MALRD1: variants seen among roughly 807,000 people sequenced by gnomAD.
The protein encoded by MALRD1 is MAM and LDL receptor class A domain containing 1.
MALRD1 carries 247 observed loss-of-function variants against 242.1 expected under a neutral mutation model. That is an observed-to-expected ratio of 1.02 (90% CI 0.92 to 1.13). The LOEUF is 1.13. Ranked by LOEUF, MALRD1 falls within the 50% of genes most tolerant of loss-of-function variation. The pLI is 0.00. For missense variants in MALRD1, 2,989 were observed against 2,533.1 expected (o/e 1.18, Z -3.86); for synonymous variants, 995 against 866.6 (o/e 1.15, Z -2.60).
At chr10:19,450,225 T>C in intron 28 of MALRD1, 82 bp from the exon 29 acceptor site, 1 of 1,179,700 alleles carries the variant, frequency 8.5e-7, no homozygotes, top group Non-Finnish European at 1.2e-6. Flanking sequence ...GCTTCTGAGA[T>C]AAATAACTGG....
At chr10:19,061,804 C>T (rs1377448402) in intron 1 of MALRD1, among the ~76,000 whole-genome samples, 1 of 152,084 alleles carries the variant, frequency 6.6e-6, no homozygotes, top group East Asian at 1.9e-4. Flanking sequence ...GGATTGAAGA[C>T]CTAACTGTAA....
At chr10:19,646,009 A>T (rs1840640999) in intron 36 of MALRD1, among the ~76,000 whole-genome samples, 2 of 152,220 alleles carry the variant, frequency 1.3e-5, no homozygotes, top group Admixed American at 6.5e-5. Flanking sequence ...CTTGTGAACT[A>T]AATGTAAGTT....
chr10:19,652,357 A>G (rs1439289403), intron 36 of MALRD1, among the ~76,000 whole-genome samples: 4 of 152,228 alleles, frequency 2.6e-5, no homozygotes, highest in Admixed American at 2.0e-4. Flanking sequence ...GTGCCAAAGC[A>G]TAATTTTCAA....
chr10:19,553,443 A>T (rs372255115), intron 32 of MALRD1, among the ~76,000 whole-genome samples: 1 of 152,156 alleles, frequency 6.6e-6, no homozygotes, highest in Non-Finnish European at 1.5e-5. Flanking sequence ...ATTTTGTTAC[A>T]TCATTAAAAA....
chr10:19,332,705 T>C (rs1315465615), intron 24 of MALRD1, among the ~76,000 whole-genome samples: 1 of 152,178 alleles, frequency 6.6e-6, no homozygotes, highest in Admixed American at 6.6e-5. Flanking sequence ...ACTTTTAATG[T>C]TCAAAGCCTT....
At chr10:19,259,612 TC>T (rs371420071) in intron 19 of MALRD1, among the ~76,000 whole-genome samples, 13 of 151,972 alleles carry the variant, frequency 8.6e-5, no homozygotes, top group African/African-American at 2.9e-4. Context: ...TCTCAATGGG[TC>T]CCTTCCATGA....
intron 33 of MALRD1, among the ~76,000 whole-genome samples, chr10:19,579,400 T>G (rs1251899662): frequency 6.6e-6 from 1 of 152,186 alleles, no homozygotes; most frequent in African/African-American, 2.4e-5. Flanking sequence ...TGTCTAAAAC[T>G]CCTAGAATTT....
chr10:19,464,266 G>C (rs919985074), intron 29 of MALRD1, among the ~76,000 whole-genome samples: 1 of 152,040 alleles, frequency 6.6e-6, no homozygotes, highest in Admixed American at 6.6e-5. Context: ...TTGGGTTCTT[G>C]GTCGTGAAGT....
chr10:19,433,831 G>A (rs1233031697), intron 28 of MALRD1, among the ~76,000 whole-genome samples: 1 of 151,978 alleles, frequency 6.6e-6, no homozygotes, highest in Non-Finnish European at 1.5e-5. Context: ...TATGTCCATA[G>A]GAAGACCCTT....
intron 36 of MALRD1, among the ~76,000 whole-genome samples, chr10:19,670,141 T>A (rs1038467346): frequency 6.6e-6 from 1 of 151,972 alleles, no homozygotes; most frequent in African/African-American, 2.4e-5. Flanking sequence ...CATTCAGCAC[T>A]GCCTTAAAGT....
intron 29 of MALRD1, among the ~76,000 whole-genome samples, chr10:19,490,364 T>G (rs1028857004): frequency 9.9e-5 from 15 of 152,102 alleles, no homozygotes; most frequent in African/African-American, 3.6e-4. Context: ...TTAAAAACCA[T>G]GTGAAGGGAC....
At chr10:19,392,092 T>C (rs1310005520) in intron 28 of MALRD1, among the ~76,000 whole-genome samples, 1 of 152,250 alleles carries the variant, frequency 6.6e-6, no homozygotes. Context: ...GCCTCATTTA[T>C]ATGGGGTAAT....
chr10:19,398,533 A>G (rs920945614), intron 28 of MALRD1, among the ~76,000 whole-genome samples: 1 of 152,178 alleles, frequency 6.6e-6, no homozygotes, highest in East Asian at 1.9e-4. Flanking sequence ...TTGGTGAGGA[A>G]GTCACAGGTA....
chr10:19,427,035 C>T (rs543844674), intron 28 of MALRD1, among the ~76,000 whole-genome samples: 40 of 152,250 alleles, frequency 2.6e-4, no homozygotes, highest in Non-Finnish European at 4.9e-4. Flanking sequence ...AGTCAGTGCA[C>T]TACAATTTGC....
intron 38 of MALRD1, among the ~76,000 whole-genome samples, chr10:19,693,734 T>C (rs1194833795): frequency 6.6e-6 from 1 of 152,110 alleles, no homozygotes; most frequent in Non-Finnish European, 1.5e-5. Flanking sequence ...ACTTTAAAGT[T>C]CATATGGAAC....
chr10:19,403,858 G>A (rs1465076339), intron 28 of MALRD1, among the ~76,000 whole-genome samples: 1 of 151,974 alleles, frequency 6.6e-6, no homozygotes, highest in Non-Finnish European at 1.5e-5. Context: ...CAAATTATAA[G>A]GCAGAACATT....
chr10:19,602,196 C>CTT (rs35846232), intron 34 of MALRD1, among the ~76,000 whole-genome samples: 3,423 of 113,226 alleles, frequency 0.03, 96 homozygotes, highest in East Asian at 0.092. Flanking sequence ...GTAGCATAGT[C>CTT]TTTTTTTTTT....
At chr10:19,714,984 G>T (rs999330895) in intron 38 of MALRD1, among the ~76,000 whole-genome samples, 1 of 152,138 alleles carries the variant, frequency 6.6e-6, no homozygotes, top group African/African-American at 2.4e-5. Flanking sequence ...TCATCACCCA[G>T]AGTTACATAC....
intron 34 of MALRD1, among the ~76,000 whole-genome samples, chr10:19,602,811 A>G (rs1326337814): frequency 6.6e-6 from 1 of 152,162 alleles, no homozygotes. Flanking sequence ...CAGTCCCACC[A>G]ACAGTGTAAA....
Sources: gnomAD v4.1 joint callset for allele counts (sites outside exome capture counted in the v4.1 genomes callset) on GRCh38, gnomAD v4.1.1 for gene constraint, MANE v1.5 for transcripts, NCBI Gene and HGNC (gene_info 2026-07-23, HGNC 2026-07-21) for gene names.